Variants in ARIH1 observed in about 807,000 individuals in gnomAD.
The protein encoded by ARIH1 is ariadne RBR E3 ubiquitin protein ligase 1.
Under a neutral mutation model 85.0 loss-of-function variants are expected in ARIH1, and 8 were observed. The ratio of observed to expected loss-of-function variants is 0.09; its 90% CI spans 0.06 to 0.17. The LOEUF is 0.17. Among genes scored for constraint, ARIH1 ranks in the 10% least tolerant of loss-of-function variants. ARIH1 has a pLI of 1.00. For synonymous variants in ARIH1, 238 were observed against 253.6 expected (o/e 0.94, Z 0.59); for missense variants, 311 against 718.1 (o/e 0.43, Z 6.48).
chr15:72,583,177 CA>C (rs1567362323), intron 13 of ARIH1, 30 bp from the exon 14 acceptor site: 2 of 1,492,666 alleles, frequency 1.3e-6, no homozygotes, highest in East Asian at 2.3e-5. Context: ...AGGCTGACAA[CA>C]AGTTTTTTTT....
chr15:72,499,405 G>A (rs2063893852), intron 1 of ARIH1, among the ~76,000 whole-genome samples: 1 of 150,658 alleles, frequency 6.6e-6, no homozygotes, highest in African/African-American at 2.4e-5. Context: ...GCTTTAATAT[G>A]TCTCTTCCTT....
intron 2 of ARIH1, among the ~76,000 whole-genome samples, chr15:72,524,985 A>G (rs2064020730): frequency 6.6e-6 from 1 of 152,122 alleles, no homozygotes; most frequent in Non-Finnish European, 1.5e-5. Context: ...CCCAGGTTCA[A>G]ATGATTCTCC....
intron 11 of ARIH1, among the ~76,000 whole-genome samples, chr15:72,573,627 A>T (rs911823352): frequency 6.6e-6 from 1 of 152,080 alleles, no homozygotes; most frequent in African/African-American, 2.4e-5. Context: ...ACAGACCTTC[A>T]CAATGTTTGG....
intron 1 of ARIH1, among the ~76,000 whole-genome samples, chr15:72,475,929 C>A (rs1316787184): frequency 6.6e-6 from 1 of 151,700 alleles, no homozygotes; most frequent in Admixed American, 6.6e-5. Flanking sequence ...TTTAGAAACT[C>A]AAAAGTTTTC....
intron 2 of ARIH1, among the ~76,000 whole-genome samples, chr15:72,535,561 C>T (rs907755054): frequency 1.3e-5 from 2 of 152,198 alleles, no homozygotes; most frequent in Non-Finnish European, 2.9e-5. Context: ...CATAGGCTTT[C>T]AACTTTTACA....
chr15:72,584,183 G>A lies in ARIH1; in HGVS notation c.*891G>A, dbSNP rs549351411. ...GTCTGTTGCCGGCCATGGGCCTCAT[G>A]CCTTGAATTCCTGCTCTTGATCAGG... On this transcript the variant is annotated 3_prime_UTR_variant, in exon 14 of 14. Transcript: ENST00000379887. The A allele has an allele frequency of 2.6e-5, 4 of 152,304 alleles. No homozygotes were observed. The highest frequency in any genetic ancestry group is 3.9e-4 in the East Asian group (2 of 5,180). The allele number at this position is 152,304 out of a possible 1,614,324, so 9.4% of individuals were successfully genotyped here. A position where few individuals can be genotyped will look rare whatever the true frequency, so the allele number is the denominator to read the frequency against.
chr15:72,489,928 A>AT (rs1349103917), intron 1 of ARIH1, among the ~76,000 whole-genome samples: 2 of 152,346 alleles, frequency 1.3e-5, no homozygotes, highest in South Asian at 2.1e-4. Flanking sequence ...ATCTTTGTGG[A>AT]TAAGTAGAGT....
chr15:72,563,141 C>T (rs1018954288), intron 6 of ARIH1, among the ~76,000 whole-genome samples: 2 of 152,228 alleles, frequency 1.3e-5, no homozygotes, highest in African/African-American at 4.8e-5. Context: ...GCCTCTACTT[C>T]CTGGGCTCAA....
In ARIH1 at chr15:72,551,104, C is replaced by T. The variant is rs530699943; in HGVS notation, c.589-4167C>T. On this transcript the variant is annotated intron_variant, in intron 3 of 13. Coordinates refer to ENST00000379887, the MANE Select transcript of ARIH1 (RefSeq NM_005744.5). ...AGTAACATCAGAAATTTTATAAGTACATGTCACATAATGGCTAAATAGAAA... is the reference window on the plus strand; with the variant it reads ...AGTAACATCAGAAATTTTATAAGTATATGTCACATAATGGCTAAATAGAAA... Among the ~76,000 whole-genome samples the T allele has an allele frequency of 2.0e-5, 3 of 152,130 alleles. No individual in the cohort carries two copies. In the East Asian group the frequency reaches 5.8e-4, roughly 29 times the overall value.
intron 7 of ARIH1, among the ~76,000 whole-genome samples, chr15:72,563,809 A>G (rs892121074): frequency 6.6e-6 from 1 of 151,966 alleles, no homozygotes; most frequent in African/African-American, 2.4e-5. Flanking sequence ...ATCTGGGACT[A>G]TACGTTTTTC....
In ARIH1 at chr15:72,570,157, T is replaced by G; in HGVS notation, c.1027-20T>G. 6.2e-7 allele frequency: 1 copy of G among 1,613,126 alleles called. No homozygotes were observed. The highest frequency in any genetic ancestry group is 8.5e-7 in the Non-Finnish European group (1 of 1,179,472). On this transcript the variant is annotated intron_variant, in intron 9 of 13. Transcript: ENST00000379887. ...AACCTAGTGTAGCATTGACACCAAC[T>G]TTATAGTTTCTCTTCATAGGAATGT...
chr15:72,510,339 T>A (rs767307608), intron 1 of ARIH1, among the ~76,000 whole-genome samples: 6 of 152,182 alleles, frequency 3.9e-5, no homozygotes, highest in Non-Finnish European at 7.3e-5. Context: ...TTTTGATGTA[T>A]GTACGAACTA....
chr15:72,576,016 A>C (rs1007577396), intron 11 of ARIH1, among the ~76,000 whole-genome samples: 2 of 152,106 alleles, frequency 1.3e-5, no homozygotes, highest in Admixed American at 1.3e-4. Flanking sequence ...ACCGCGCCCA[A>C]CTTGTGTTGG....
At chr15:72,561,459 A>T in intron 5 of ARIH1, 24 bp from the exon 6 acceptor site, 1 of 1,518,088 alleles carries the variant, frequency 6.6e-7, no homozygotes, top group Non-Finnish European at 9.1e-7. Context: ...AAACTTTCTA[A>T]TCTATTTTTA....
intron 9 of ARIH1, among the ~76,000 whole-genome samples, chr15:72,569,784 T>A (rs1186021301): frequency 6.6e-6 from 1 of 152,170 alleles, no homozygotes; most frequent in Non-Finnish European, 1.5e-5. Context: ...GTACTTAAAA[T>A]GATTTGTCTC....
intron 5 of ARIH1, 124 bp from the exon 6 acceptor site, chr15:72,561,359 G>A: frequency 1.5e-6 from 1 of 671,474 alleles, no homozygotes; most frequent in Non-Finnish European, 2.6e-6. Flanking sequence ...GTGCATTTCA[G>A]TATTTACAGC....
At chr15:72,563,259 A>G (rs949965744) in intron 6 of ARIH1, 135 bp from the exon 7 acceptor site, 7 of 650,414 alleles carry the variant, frequency 1.1e-5, no homozygotes, top group South Asian at 1.9e-5. Flanking sequence ...AGGTCTTGCT[A>G]TGTTGCCCGG....
At chr15:72,570,024 T>G (rs889658381) in intron 9 of ARIH1, 153 bp from the exon 10 acceptor site, 1 of 730,250 alleles carries the variant, frequency 1.4e-6, no homozygotes, top group African/African-American at 1.8e-5. Context: ...AAATAGTGCT[T>G]AAGTGTTCAA....
rs2064348851 is a variant in ARIH1 at position 72,592,952 on chromosome 15, G to C, written c.*9660G>C. The C allele has an allele frequency of 6.6e-6, 1 of 151,964 alleles. No individual in the cohort carries two copies. The highest frequency in any genetic ancestry group is 1.5e-5 in the Non-Finnish European group (1 of 67,968). The allele number at this position is 151,964 out of a possible 1,614,324, so 9.4% of individuals were successfully genotyped here. A position where few individuals can be genotyped will look rare whatever the true frequency, so the allele number is the denominator to read the frequency against. ...GATAAATAAGAGTAGAAAATTACTG[G>C]GTCATATGGTAAGTGCATGTTTATA... is the stretch of plus-strand genomic sequence containing the variant. On this transcript the variant is annotated 3_prime_UTR_variant, in exon 14 of 14. Coordinates refer to ENST00000379887, the MANE Select transcript of ARIH1 (RefSeq NM_005744.5).
Sources: allele counts gnomAD v4.1 joint callset (sites outside exome capture counted in the v4.1 genomes callset), GRCh38; gene constraint gnomAD v4.1.1; transcripts MANE v1.5; gene names NCBI Gene and HGNC (gene_info 2026-07-23, HGNC 2026-07-21).